The following ZZEF1 variants were observed in gnomAD, a reference collection of about 807,000 sequenced individuals.
The protein encoded by ZZEF1 is zinc finger ZZ-type and EF-hand domain-containing protein 1.
Under a neutral mutation model 342.8 loss-of-function variants are expected in ZZEF1, and 157 were observed. The observed-to-expected ratio is 0.46, with a 90% CI of 0.40 to 0.52. The LOEUF is 0.52. Ranked by LOEUF, ZZEF1 falls within the 20% of genes least tolerant of loss-of-function variation. ZZEF1 has a pLI of 0.00. For missense variants in ZZEF1, 3,480 were observed against 3,725.6 expected, an observed-to-expected ratio of 0.93 and a Z score of 1.72; for synonymous variants, 1,505 against 1,429.1, an observed-to-expected ratio of 1.05 and a Z score of -1.20.
chr17:4,055,830 A>G (rs1255670292), intron 33 of ZZEF1, among the ~76,000 whole-genome samples: 2 of 152,210 alleles, frequency 1.3e-5, no homozygotes, highest in South Asian at 2.1e-4. Context: ...CCAGGGACCA[A>G]TTTCGTAGAA....
In ZZEF1 at chr17:4,064,612, A is replaced by T. The variant is rs1189590940; in HGVS notation, c.4467T>A (p.Pro1489=). 1.2e-6 allele frequency: 2 copies of T among 1,614,044 alleles called. No homozygotes were observed. The highest frequency in any genetic ancestry group is 2.7e-5 in the African/African-American group (2 of 74,928). Residue 1489 remains proline, a synonymous_variant, in exon 29 of 55, where the codon CCT becomes CCA. Transcript: ENST00000381638. ...GCAGCTTTGGCTGGGTGCCCAGGCCAGGACTCTGGTCTCCTGTGGCAGGGG... is the reference window on the plus strand; with the variant it reads ...GCAGCTTTGGCTGGGTGCCCAGGCCTGGACTCTGGTCTCCTGTGGCAGGGG... ...AAPPATGDQS[P]GLGTQPKLPS... is the part of the protein sequence containing the mutation.
chr17:4,032,096 T>C (rs1009292619), intron 42 of ZZEF1, 30 bp downstream of exon 42: 2 of 1,601,356 alleles, frequency 1.2e-6, no homozygotes, highest in African/African-American at 1.4e-5. Context: ...TTTTCTTCCA[T>C]TCTTAGAAAA....
At position 4,032,844 on chromosome 17, in the gene ZZEF1, A is replaced by G; in HGVS notation, c.6743T>C (p.Leu2248Pro). The G allele has an allele frequency of 1.2e-6, 2 of 1,614,152 alleles. No individual in the cohort carries two copies. Among genetic ancestry groups the G allele is most frequent in the Non-Finnish European group, 1.7e-6 (2 of 1,179,970 alleles). Residue 2248 changes from leucine (L) to proline (P), a missense_variant, in exon 41 of 55, where the codon CTG becomes CCG. Around this residue, in one of 5 missense-constraint regions of ZZEF1, gnomAD observed 1,269 missense variants for 1,342.4 expected, o/e 0.95. Transcript: ENST00000381638. ...KHTNIFTLLVLVGFPQVLCVG... is the reference protein window; with the variant it reads ...KHTNIFTLLVPVGFPQVLCVG... ...GTGTGGTACCTGGGGGAAGCCAACC[A>G]GCACGAGCAGGGTGAAGATGTTGGT...
In ZZEF1 at chr17:4,016,653, A is replaced by C; in HGVS notation, c.8002-187T>G. On this transcript the variant is annotated intron_variant, in intron 48 of 54. Transcript: ENST00000381638. This position sits in a 1 kb window ranked among gnomAD's most constrained non-coding sequence, Gnocchi z 4.4. ...CTCACTTGACCAGGCTCTTGGTGTC[A>C]ATCAGGACACTGCAGTCCTTTCAGA... The C allele has an allele frequency of 1.6e-6, 1 of 610,404 alleles. No individual in the cohort carries two copies. Among genetic ancestry groups the C allele is most frequent in the Non-Finnish European group, 2.8e-6 (1 of 352,926 alleles). 37.8% of individuals were successfully genotyped at this position (610,404 alleles called of 1,614,324 possible).
intron 39 of ZZEF1, among the ~76,000 whole-genome samples, chr17:4,040,055 T>A (rs2056770284): frequency 6.6e-6 from 1 of 152,152 alleles, no homozygotes; most frequent in Admixed American, 6.5e-5. Context: ...AAGAAAATAT[T>A]TAGGCAAAAA....
At position 4,052,083 on chromosome 17, in the gene ZZEF1, A is replaced by C; in HGVS notation, c.5488T>G (p.Phe1830Val). Residue 1830 changes from phenylalanine (F) to valine (V), a missense_variant, in exon 35 of 55, where the codon TTT becomes GTT. Phe to Val is a conservative substitution (Grantham distance 50, BLOSUM62 -1). This residue lies in a region of ZZEF1 where 175 missense variants were observed against 254.6 expected (regional missense o/e 0.69). Coordinates refer to ENST00000381638, the MANE Select transcript of ZZEF1 (RefSeq NM_015113.4). ...GDDHEMVNMEFTCDHCQGLII... is the reference protein window; with the variant it reads ...GDDHEMVNMEVTCDHCQGLII... ...AAACCCTGGCAGTGGTCACAGGTAAACTCCATGTTGACCATTTCATGGTCG... is the reference window on the plus strand; with the variant it reads ...AAACCCTGGCAGTGGTCACAGGTAACCTCCATGTTGACCATTTCATGGTCG... 1 of 1,613,922 alleles carries C rather than the reference A, an allele frequency of 6.2e-7. No homozygotes were observed. Among genetic ancestry groups the C allele is most frequent in the Non-Finnish European group, 8.5e-7 (1 of 1,179,966 alleles).
At chr17:4,087,822 ACAC>A (rs1169348658) in intron 13 of ZZEF1, among the ~76,000 whole-genome samples, 290 of 135,112 alleles carry the variant, frequency 2.1e-3, no homozygotes, top group African/African-American at 7.1e-3. Flanking sequence ...ACACACACAC[ACAC>A]ATCCATGAAC....
At chr17:4,115,907 T>C (rs1304628282) in intron 3 of ZZEF1, among the ~76,000 whole-genome samples, 1 of 152,250 alleles carries the variant, frequency 6.6e-6, no homozygotes, top group Non-Finnish European at 1.5e-5. Flanking sequence ...CATGCCTTGC[T>C]TAGAAAGGCT....
rs542724886 is a variant in ZZEF1, at chr17:4,081,379, T to G, written c.2826A>C (p.Arg942=). 7 of 1,613,042 alleles carry G rather than the reference T, an allele frequency of 4.3e-6. No homozygotes were observed. Among genetic ancestry groups the G allele is most frequent in the African/African-American group, 1.3e-5 (1 of 74,974 alleles). Residue 942 remains arginine (R), a synonymous_variant, in exon 18 of 55, where the codon CGA becomes CGC. Coordinates refer to ENST00000381638, the MANE Select transcript of ZZEF1 (RefSeq NM_015113.4). ...CAGGGAGGCAGCCACTGGATACCTCTCGAGCAGCAACAGAGACGAGAGTGT... is the reference window on the plus strand; with the variant it reads ...CAGGGAGGCAGCCACTGGATACCTCGCGAGCAGCAACAGAGACGAGAGTGT... ...VMDTLVSVAA[R]ECELLMLSGA...
intron 1 of ZZEF1, among the ~76,000 whole-genome samples, chr17:4,132,952 C>A (rs1266586919): frequency 6.6e-6 from 1 of 150,736 alleles, no homozygotes; most frequent in African/African-American, 2.5e-5. Flanking sequence ...GGCGACAGAG[C>A]GAGACTCCAT....
rs777180310 is a variant in ZZEF1 at position 4,099,639 on chromosome 17, G to A, written c.1672+2678C>T. On this transcript the variant is annotated intron_variant, in intron 9 of 54. Transcript: ENST00000381638. ...CAGCTCACTGCAACCTCCGCCTCCC[G>A]GGTTCAAGCAATTCTCCTGCCTCAG... 4.0e-5 allele frequency among the ~76,000 whole-genome samples: 6 copies of A among 150,444 alleles called. No homozygotes were observed. In the East Asian group the frequency reaches 9.8e-4, roughly 25 times the overall value.
At chr17:4,100,210 C>T (rs1223077962) in intron 9 of ZZEF1, among the ~76,000 whole-genome samples, 3 of 152,222 alleles carry the variant, frequency 2.0e-5, no homozygotes, top group African/African-American at 7.2e-5. Flanking sequence ...CCAAACCCAA[C>T]AGCTCTGGCC....
At chr17:4,055,572 T>G (rs1441113376) in intron 33 of ZZEF1, among the ~76,000 whole-genome samples, 1 of 152,216 alleles carries the variant, frequency 6.6e-6, no homozygotes. Flanking sequence ...CTTCCCACAC[T>G]GCTTGTCTAC....
intron 52 of ZZEF1, among the ~76,000 whole-genome samples, chr17:4,010,499 T>C (rs2055918832): frequency 6.6e-6 from 1 of 151,706 alleles, no homozygotes; most frequent in South Asian, 2.1e-4. Flanking sequence ...GGCAGGCGGA[T>C]CACGAGGTCA....
At chr17:4,096,800 G>A in intron 9 of ZZEF1, 100 bp from the exon 10 acceptor site, 5 of 927,980 alleles carry the variant, frequency 5.4e-6, no homozygotes, top group Middle Eastern at 2.3e-4. Context: ...GTCATGGGGG[G>A]TAACTGGTCT....
intron 42 of ZZEF1, among the ~76,000 whole-genome samples, chr17:4,030,969 G>A (rs988783518): frequency 2.0e-5 from 3 of 151,338 alleles, no homozygotes; most frequent in Admixed American, 6.6e-5. Context: ...ACTTGAGGTC[G>A]GGAGTTTGAG....
At chr17:4,109,275 GAAA>G (rs1022029262) in intron 6 of ZZEF1, among the ~76,000 whole-genome samples, 59 of 152,254 alleles carry the variant, frequency 3.9e-4, no homozygotes, top group African/African-American at 1.3e-3. Flanking sequence ...GACTGCATCT[GAAA>G]GGGCTTTATC....
intron 5 of ZZEF1, among the ~76,000 whole-genome samples, chr17:4,111,260 T>C (rs907672212): frequency 3.3e-5 from 5 of 152,134 alleles, no homozygotes; most frequent in Non-Finnish European, 7.4e-5. Context: ...CGGAAAGGTC[T>C]GCAAGGATCC....
At position 4,008,988 on chromosome 17, in the gene ZZEF1, C is replaced by T. The variant is rs764290115; in HGVS notation, c.8734-34G>A. The T allele has an allele frequency of 2.1e-5, 33 of 1,536,560 alleles. 1 individual carries two copies. Among genetic ancestry groups the T allele is most frequent in the Admixed American group, 1.4e-4 (7 of 50,954 alleles). ...AGAGAGCAGGGGCTGTGAGTGACAG[C>T]GCCAGATGCGCAGTGCAGCTCTCCC... On this transcript the variant is annotated intron_variant, in intron 53 of 54. Coordinates refer to ENST00000381638, the MANE Select transcript of ZZEF1 (RefSeq NM_015113.4). This position sits in a 1 kb window ranked among gnomAD's most constrained non-coding sequence, Gnocchi z 4.2.
Sources: gnomAD v4.1 joint callset for allele counts (sites outside exome capture counted in the v4.1 genomes callset) on GRCh38, gnomAD v4.1.1 for gene constraint, gnomAD v4.1.1 regional missense constraint, Gnocchi (gnomAD v3.1) non-coding constraint, MANE v1.5 for transcripts, NCBI Gene and HGNC (gene_info 2026-07-23, HGNC 2026-07-21) for gene names.